Variants in RRBP1 observed in about 807,000 individuals in gnomAD.
RRBP1 encodes the protein ribosome binding protein 1.
A neutral mutation model predicts 165.2 loss-of-function variants in RRBP1; 94 were observed. The ratio of observed to expected loss-of-function variants is 0.57; its 90% CI spans 0.48 to 0.68. The LOEUF is 0.68. Ranked by LOEUF, RRBP1 falls within the 30% of genes least tolerant of loss-of-function variation. The pLI is 0.00. For missense variants in RRBP1, 1,676 were observed against 1,763.0 expected, an observed-to-expected ratio of 0.95 and a Z score of 0.88; for synonymous variants, 680 against 714.5, an observed-to-expected ratio of 0.95 and a Z score of 0.77.
Position 17,614,895 on chromosome 20 carries a change from GT to G in RRBP1, c.4051-16del, listed in dbSNP as rs200021929. The G allele has an allele frequency of 4.6e-3, 7,356 of 1,611,900 alleles. 286 individuals carry two copies. The African/African-American group carries it at 0.086, about 19-fold the overall frequency. ...TCTAGTCTCTCCTGATGGTCAGAAG[GT>G]TGACGGGCATCAGCCCTTGCACCGG... On this transcript the variant is annotated splice_polypyrimidine_tract_variant and intron_variant, in intron 23 of 24. Transcript: ENST00000377813.
chr20:17,620,271 G>GA, intron 18 of RRBP1, 28 bp downstream of exon 18: 3 of 1,568,742 alleles, frequency 1.9e-6, no homozygotes, highest in Non-Finnish European at 2.6e-6. Context: ...CGGGACAAGA[G>GA]AAAGAGTTCT....
At chr20:17,667,381 T>C (rs890068737) in intron 2 of RRBP1, among the ~76,000 whole-genome samples, 4 of 152,222 alleles carry the variant, frequency 2.6e-5, no homozygotes, top group African/African-American at 9.7e-5. Context: ...TAATATTCAT[T>C]ATTCCTTCCT....
In RRBP1 at chr20:17,615,469, G is replaced by A; in HGVS notation, c.4012C>T (p.Leu1338=). 2 of 1,609,568 alleles carry A rather than the reference G, an allele frequency of 1.2e-6. No individual in the cohort carries two copies. Among genetic ancestry groups the A allele is most frequent in the Non-Finnish European group, 1.7e-6 (2 of 1,178,410 alleles). Residue 1338 remains leucine, a synonymous_variant, in exon 23 of 25, where the codon CTA becomes TTA. Transcript: ENST00000377813. ...ELEKLRTAGP[L]ESSETEEASQ... The stretch of plus-strand genomic sequence containing the variant: ...GCCTCCTCTGTTTCTGAAGACTCTA[G>A]GGGGCCGGCTGTGCGGAGCTTCTCC...
At chr20:17,681,050 G>A (rs1043079527) in intron 1 of RRBP1, among the ~76,000 whole-genome samples, 12 of 151,916 alleles carry the variant, frequency 7.9e-5, no homozygotes, top group Admixed American at 7.2e-4. Context: ...TGGAAGCGCA[G>A]ACCCCGGCCT....
At position 17,659,871 on chromosome 20, in the gene RRBP1, C is replaced by T. The variant is rs569486633; in HGVS notation, c.637G>A (p.Glu213Lys). The change falls in exon 3 of 25, where the codon GAA (glutamate) becomes AAA (lysine). Residue 213 changes from glutamate to lysine, a missense_variant. Coordinates refer to ENST00000377813, the MANE Select transcript of RRBP1 (RefSeq NM_001365613.2). ...TTTCTGCCCTGGTTTGGGGCTCCTT[C>T]AGCCTTTTTGCTTTGATTCTGAGTC... is the stretch of plus-strand genomic sequence containing the variant. ...EGTQNQSKKA[E>K]GAPNQGRKAE... 1.9e-6 allele frequency: 3 copies of T among 1,552,258 alleles called. No homozygotes were observed. Among genetic ancestry groups the T allele is most frequent in the African/African-American group, 1.4e-5 (1 of 73,192 alleles).
intron 2 of RRBP1, among the ~76,000 whole-genome samples, chr20:17,672,910 T>C (rs1479592457): frequency 6.6e-6 from 1 of 152,112 alleles, no homozygotes; most frequent in African/African-American, 2.4e-5. Context: ...TTACATCAAG[T>C]TCAAACACAA....
At chr20:17,648,617 T>C (rs2036505560) in intron 3 of RRBP1, among the ~76,000 whole-genome samples, 1 of 152,268 alleles carries the variant, frequency 6.6e-6, no homozygotes, top group Non-Finnish European at 1.5e-5. Context: ...TTCCTTTAGT[T>C]GGAGAAAAAC....
intron 2 of RRBP1, among the ~76,000 whole-genome samples, chr20:17,666,133 C>T (rs564795113): frequency 1.5e-4 from 23 of 152,272 alleles, no homozygotes; most frequent in African/African-American, 5.3e-4. Context: ...TATACATGAA[C>T]GTAGGAAGGA....
intron 3 of RRBP1, among the ~76,000 whole-genome samples, chr20:17,644,226 A>G (rs1024200846): frequency 6.6e-6 from 1 of 152,188 alleles, no homozygotes; most frequent in South Asian, 2.1e-4. Context: ...CCTTTATTTT[A>G]TAACTTCTTA....
Position 17,659,715 on chromosome 20 carries a change from C to A in RRBP1, c.793G>T (p.Ala265Ser), listed in dbSNP as rs1253644936. ...TPNQGKKAEGAQNQGKKVDTT... is the reference protein window; with the variant it reads ...TPNQGKKAEGSQNQGKKVDTT... ...TCTACCTTTTTACCCTGGTTCTGGG[C>A]CCCCTCCGCCTTTTTGCCTTGGTTT... Residue 265 changes from alanine (A) to serine (S), a missense_variant, in exon 3 of 25, where the codon GCC becomes TCC. Physicochemically the swap from Ala to Ser is moderately conservative, Grantham distance 99 (BLOSUM62 1). Transcript: ENST00000377813. 38 of 1,550,500 alleles carry A rather than the reference C, an allele frequency of 2.5e-5. No individual in the cohort carries two copies. Among genetic ancestry groups the A allele is most frequent in the Admixed American group, 3.9e-5 (2 of 50,992 alleles).
At chr20:17,677,129 A>C (rs1262462729) in intron 2 of RRBP1, among the ~76,000 whole-genome samples, 1 of 152,166 alleles carries the variant, frequency 6.6e-6, no homozygotes. Context: ...ACATGAGGTC[A>C]GTGAAACAAA....
chr20:17,627,325 G>C (rs2036045474), intron 11 of RRBP1, 23 bp downstream of exon 11: 1 of 1,611,802 alleles, frequency 6.2e-7, no homozygotes, highest in African/African-American at 1.3e-5. Flanking sequence ...CAAGTGAGCA[G>C]GCAGGCTGCT....
chr20:17,629,601 C>T lies in RRBP1; in HGVS notation c.2749+222G>A, dbSNP rs116878519. Among the ~76,000 whole-genome samples the T allele has an allele frequency of 7.4e-3, 1,120 of 152,114 alleles. 19 individuals carry two copies. The highest frequency in any genetic ancestry group is 0.052 in the East Asian group (269 of 5,152). ...GGTCCCATCCTCACAGCTCCATCCC[C>T]CCACCTCTGGACTGCGCCTATAGGC... On this transcript the variant is annotated intron_variant, in intron 9 of 24. Coordinates refer to ENST00000377813, the MANE Select transcript of RRBP1 (RefSeq NM_001365613.2).
intron 23 of RRBP1, 67 bp from the exon 24 acceptor site, chr20:17,614,947 A>G (rs548901289): frequency 7.7e-6 from 12 of 1,561,836 alleles, no homozygotes; most frequent in Non-Finnish European, 1.0e-5. Flanking sequence ...AGCTATGCCC[A>G]CAGGACCCTG....
At chr20:17,650,747 C>A (rs1336134098) in intron 3 of RRBP1, among the ~76,000 whole-genome samples, 2 of 152,174 alleles carry the variant, frequency 1.3e-5, no homozygotes, top group African/African-American at 4.8e-5. Context: ...ACTGTAGGAT[C>A]CAGACTTGAT....
chr20:17,639,489 C>T (rs1034099121), intron 5 of RRBP1, among the ~76,000 whole-genome samples: 2 of 152,238 alleles, frequency 1.3e-5, no homozygotes, highest in Non-Finnish European at 2.9e-5. Flanking sequence ...CCATCCATCT[C>T]CCCAGCTCCC....
In RRBP1 at chr20:17,658,787, G is replaced by C. The variant is rs1306037563; in HGVS notation, c.1721C>G (p.Pro574Arg). The change falls in exon 3 of 25, where the codon CCC (proline) becomes CGC (arginine). Residue 574 changes from proline (P) to arginine (R), a missense_variant. Physicochemically the swap from Pro to Arg is moderately radical, Grantham distance 103. This residue lies in a region of RRBP1 where 1,184 missense variants were observed against 1,167.1 expected (regional missense o/e 1.01). Coordinates refer to ENST00000377813, the MANE Select transcript of RRBP1 (RefSeq NM_001365613.2). ...TNQGKKAEGS[P>R]SEGKKAEGSP... ...CCCTTCTGCCTTTTTGCCTTCACTG[G>C]GGGACCCTTCTGCTTTTTTCCCCTG... The C allele has an allele frequency of 6.2e-7, 1 of 1,613,736 alleles. No homozygotes were observed. The highest frequency in any genetic ancestry group is 1.3e-5 in the African/African-American group (1 of 74,818).
chr20:17,614,683 C>CTGCCTCCCG (rs2035757791), intron 24 of RRBP1, 54 bp downstream of exon 24: 1 of 1,598,454 alleles, frequency 6.3e-7, no homozygotes, highest in Admixed American at 1.7e-5. Context: ...CCTGCCTCCC[C>CTGCCTCCCG]GGGGCTCCCG....
chr20:17,656,359 C>T (rs1050943659), intron 3 of RRBP1, among the ~76,000 whole-genome samples: 1 of 152,214 alleles, frequency 6.6e-6, no homozygotes, highest in African/African-American at 2.4e-5. Context: ...GACTTCTTCT[C>T]ATGACAATGT....
Sources: allele counts gnomAD v4.1 joint callset (sites outside exome capture counted in the v4.1 genomes callset), GRCh38; gene constraint gnomAD v4.1.1; regional missense constraint gnomAD v4.1.1; transcripts MANE v1.5; gene names NCBI Gene and HGNC (gene_info 2026-07-23, HGNC 2026-07-21).